ATP8B4: variants seen among roughly 807,000 people sequenced by gnomAD.
The protein encoded by ATP8B4 is ATPase phospholipid transporting 8B4 (putative), also known as probable phospholipid-transporting ATPase IM.
A neutral mutation model predicts 145.6 loss-of-function variants in ATP8B4; 133 were observed. The observed-to-expected ratio is 0.91, with a 90% CI of 0.79 to 1.05. The LOEUF (loss-of-function observed/expected upper bound fraction) is 1.05, where lower values mean the gene tolerates loss of function less well. ATP8B4 is among the 50% of genes least tolerant of loss of function. ATP8B4 has a pLI of 0.00. For synonymous variants in ATP8B4, 507 were observed against 492.9 expected, an observed-to-expected ratio of 1.03 and a Z score of -0.38; for missense variants, 1,458 against 1,425.2, an observed-to-expected ratio of 1.02 and a Z score of -0.37.
At chr15:49,869,158 C>T (rs11070733) in intron 25 of ATP8B4, among the ~76,000 whole-genome samples, 38,306 of 151,974 alleles carry the variant, frequency 0.25, 5,046 homozygotes, top group Non-Finnish European at 0.28. Flanking sequence ...GTAATCCGCC[C>T]GCCTCGGCCT....
chr15:49,959,346 T>C (rs986944503), intron 14 of ATP8B4, among the ~76,000 whole-genome samples: 8 of 152,024 alleles, frequency 5.3e-5, no homozygotes, highest in African/African-American at 1.9e-4. Context: ...ATATATCTAT[T>C]CTAATCCAAA....
chr15:50,029,504 C>T (rs989258466), intron 6 of ATP8B4, among the ~76,000 whole-genome samples: 10 of 152,094 alleles, frequency 6.6e-5, no homozygotes, highest in Admixed American at 2.6e-4. Flanking sequence ...CATAAAGACA[C>T]TGGTGGTTGG....
At chr15:49,892,268 GAA>G (rs1313348804) in intron 23 of ATP8B4, among the ~76,000 whole-genome samples, 3 of 152,034 alleles carry the variant, frequency 2.0e-5, no homozygotes, top group African/African-American at 7.2e-5. Flanking sequence ...TTTTTAATAA[GAA>G]AGCTATAAAA....
chr15:50,139,937 C>T (rs532305388), intron 1 of ATP8B4, among the ~76,000 whole-genome samples: 11 of 152,176 alleles, frequency 7.2e-5, no homozygotes, highest in Non-Finnish European at 1.2e-4. Context: ...ACCATATGTT[C>T]TCACTTATAA....
At position 49,916,954 on chromosome 15, in the gene ATP8B4, C is replaced by T; in HGVS notation, c.2121G>A (p.Val707=). 1 of 1,613,718 alleles carries T rather than the reference C, an allele frequency of 6.2e-7. No individual in the cohort carries two copies. Among genetic ancestry groups the T allele is most frequent in the Non-Finnish European group, 8.5e-7 (1 of 1,179,796 alleles). The part of the protein sequence containing the change: ...DVFVIAGNNA[V]EVREELRKAK... ...CCTACCTGAGTTCTTCTCTCACTTC[C>T]ACAGCATTATTCCCTGCTATCACAA... The change falls in exon 20 of 28, where the codon GTG becomes GTA. Residue 707 remains valine, a synonymous_variant. Transcript: ENST00000284509.
intron 16 of ATP8B4, among the ~76,000 whole-genome samples, chr15:49,929,821 G>A (rs1484485170): frequency 6.6e-6 from 1 of 152,038 alleles, no homozygotes; most frequent in East Asian, 1.9e-4. Context: ...AAAATAGATA[G>A]ATGAACAGAT....
At chr15:50,048,600 G>A in intron 3 of ATP8B4, among the ~76,000 whole-genome samples, 1 of 151,730 alleles carries the variant, frequency 6.6e-6, no homozygotes, top group Middle Eastern at 3.4e-3. Flanking sequence ...CCCAGCTACT[G>A]AGGAGGCTGA....
intron 14 of ATP8B4, among the ~76,000 whole-genome samples, chr15:49,958,837 T>C (rs973729837): frequency 6.6e-6 from 1 of 151,964 alleles, no homozygotes; most frequent in African/African-American, 2.4e-5. Flanking sequence ...ATCTAAGAGC[T>C]ACCACCTGAA....
At chr15:49,890,165 T>C (rs767455212) in intron 23 of ATP8B4, among the ~76,000 whole-genome samples, 19 of 152,342 alleles carry the variant, frequency 1.2e-4, no homozygotes, top group East Asian at 7.7e-4. Flanking sequence ...TCAGAGCACC[T>C]GGCCCTAAAT....
At chr15:50,121,668 A>T (rs1195376158), upstream of ATP8B4, among the ~76,000 whole-genome samples, 1 of 152,144 alleles carries the variant, frequency 6.6e-6, no homozygotes, top group Non-Finnish European at 1.5e-5. Context: ...TACAAGAAAA[A>T]AAAAACCTTT....
intron 1 of ATP8B4, among the ~76,000 whole-genome samples, chr15:50,124,680 T>C (rs899715310): frequency 6.6e-6 from 1 of 152,216 alleles, no homozygotes; most frequent in Non-Finnish European, 1.5e-5. Flanking sequence ...GACAGTGATC[T>C]GGACTTTCCC....
chr15:50,052,734 C>T (rs912156977), intron 3 of ATP8B4, among the ~76,000 whole-genome samples: 5 of 152,250 alleles, frequency 3.3e-5, no homozygotes, highest in East Asian at 3.9e-4. Context: ...CAAAAGGTGG[C>T]ACACTTGGGG....
chr15:50,006,089 C>T (rs115525363), intron 7 of ATP8B4, among the ~76,000 whole-genome samples: 1,585 of 151,798 alleles, frequency 0.01, 31 homozygotes, highest in African/African-American at 0.036. Context: ...TAATAGGTAA[C>T]GTTTGTATTT....
chr15:49,908,760 G>T (rs1265821536), intron 20 of ATP8B4, among the ~76,000 whole-genome samples: 1 of 152,020 alleles, frequency 6.6e-6, no homozygotes, highest in African/African-American at 2.4e-5. Flanking sequence ...CCCACCTGCA[G>T]CCACCACCAC....
At chr15:50,026,231 C>T (rs76831837) in intron 6 of ATP8B4, among the ~76,000 whole-genome samples, 4,681 of 152,282 alleles carry the variant, frequency 0.031, 248 homozygotes, top group African/African-American at 0.11. Context: ...TTTGGCTCCT[C>T]ACCATCACAC....
chr15:50,163,144 A>C (rs187727138), intron 1 of ATP8B4, among the ~76,000 whole-genome samples: 30 of 152,192 alleles, frequency 2.0e-4, no homozygotes, highest in African/African-American at 6.7e-4. Flanking sequence ...AGTTCATTTG[A>C]TGTGGTCATT....
intron 3 of ATP8B4, among the ~76,000 whole-genome samples, chr15:50,071,593 TGGTCAAGCCTTTCAGA>T (rs1365183556): frequency 6.6e-6 from 1 of 152,238 alleles, no homozygotes; most frequent in Non-Finnish European, 1.5e-5. Context: ...TGGGACTTGA[TGGTCAAGCCTTTCAGA>T]GGTCATTCTC....
intron 17 of ATP8B4, among the ~76,000 whole-genome samples, chr15:49,920,957 T>C (rs1352020304): frequency 6.6e-6 from 1 of 152,204 alleles, no homozygotes; most frequent in Non-Finnish European, 1.5e-5. Context: ...AATTGAGTCC[T>C]ACTTTTGCAT....
At chr15:50,115,535 A>T (rs1165677950) in intron 1 of ATP8B4, among the ~76,000 whole-genome samples, 1 of 151,942 alleles carries the variant, frequency 6.6e-6, no homozygotes, top group East Asian at 1.9e-4. Flanking sequence ...AAACAAGGTA[A>T]GGACAAGTCA....
Sources: gnomAD v4.1 joint callset for allele counts (sites outside exome capture counted in the v4.1 genomes callset) on GRCh38, gnomAD v4.1.1 for gene constraint, MANE v1.5 for transcripts, NCBI Gene and HGNC (gene_info 2026-07-23, HGNC 2026-07-21) for gene names.